ARSG: variants seen among roughly 807,000 people sequenced by gnomAD.
ARSG encodes the protein arylsulfatase G.
In ARSG, 37 loss-of-function variants were observed where a neutral mutation model predicts 50.5. The ratio of observed to expected loss-of-function variants is 0.73; its 90% confidence interval spans 0.56 to 0.96. The LOEUF (loss-of-function observed/expected upper bound fraction) is 0.96, where lower values mean the gene tolerates loss of function less well. ARSG is among the 50% of genes least tolerant of loss of function. ARSG has a pLI of 0.00. For missense variants in ARSG, 629 were observed against 675.3 expected (o/e 0.93, Z 0.76); for synonymous variants, 225 against 254.6 (o/e 0.88, Z 1.11).
chr17:68,429,936 T>G, the ARSG span: 4 of 1,605,348 alleles, frequency 2.5e-6, no homozygotes, highest in Non-Finnish European at 3.4e-6. Flanking sequence ...ATTTTTGTGC[T>G]TTGGAAAAAT....
At chr17:68,265,818 G>A (rs115820742) in intron 1 of ARSG, among the ~76,000 whole-genome samples, 4,102 of 148,958 alleles carry the variant, frequency 0.028, 178 homozygotes, top group African/African-American at 0.091. Context: ...AAAATCTTGT[G>A]AAATTCACAT....
At chr17:68,419,916 G>A (rs184803391) in intron 11 of ARSG, among the ~76,000 whole-genome samples, 3 of 152,168 alleles carry the variant, frequency 2.0e-5, no homozygotes, top group Non-Finnish European at 4.4e-5. Context: ...CTAGGATCAC[G>A]CTACTGCATT....
chr17:68,405,925 C>T lies in ARSG; in HGVS notation c.1303+4475C>T, dbSNP rs59547781. 6.6e-3 allele frequency among the ~76,000 whole-genome samples: 1,002 copies of T among 152,160 alleles called. 8 individuals are homozygous for T. Among genetic ancestry groups the T allele is most frequent in the African/African-American group, 0.022 (926 of 41,508 alleles). On this transcript the variant is annotated intron_variant, in intron 11 of 11. Coordinates refer to ENST00000621439, the MANE Select transcript of ARSG (RefSeq NM_001267727.2). ...TTTTTCCATGGGTTATTGGGATACA[C>T]GTGGTGTTTGGTTACATGAGTAAGT... is the stretch of plus-strand genomic sequence containing the variant.
intron 8 of ARSG, among the ~76,000 whole-genome samples, chr17:68,376,437 CAACT>C (rs1333200039): frequency 1.3e-5 from 2 of 151,652 alleles, no homozygotes; most frequent in Non-Finnish European, 2.9e-5. Flanking sequence ...CCACCATACC[CAACT>C]AATTTTTCTT....
intron 2 of ARSG, among the ~76,000 whole-genome samples, chr17:68,325,754 A>C (rs1264836122): frequency 3.9e-5 from 6 of 152,124 alleles, no homozygotes; most frequent in Admixed American, 3.9e-4. Flanking sequence ...GGAAGCCCTT[A>C]CCCTTCTGGG....
intron 2 of ARSG, among the ~76,000 whole-genome samples, chr17:68,316,017 G>T (rs1443681673): frequency 6.6e-6 from 1 of 152,176 alleles, no homozygotes; most frequent in Non-Finnish European, 1.5e-5. Flanking sequence ...TGTGATGGCT[G>T]CAGTTTCAGG....
At chr17:68,450,598 G>A in the ARSG span, 3 of 1,243,614 alleles carry the variant, frequency 2.4e-6, no homozygotes, top group Admixed American at 7.0e-5. Context: ...CGGGACACGG[G>A]GCCTGAGTGT....
intron 1 of ARSG, among the ~76,000 whole-genome samples, chr17:68,292,023 G>A (rs1327621648): frequency 6.6e-6 from 1 of 152,036 alleles, no homozygotes; most frequent in African/African-American, 2.4e-5. Context: ...ACTTCCCCCA[G>A]TTTCGTCAAC....
At chr17:68,320,230 C>T (rs921711889) in intron 2 of ARSG, among the ~76,000 whole-genome samples, 4 of 149,896 alleles carry the variant, frequency 2.7e-5, no homozygotes, top group Non-Finnish European at 5.9e-5. Context: ...TTGGAGGTTG[C>T]AGTGAGCCGA....
chr17:68,358,202 C>CA (rs1221692165), intron 6 of ARSG, among the ~76,000 whole-genome samples: 7 of 149,178 alleles, frequency 4.7e-5, no homozygotes, highest in African/African-American at 9.9e-5. Context: ...GACCCTGTCT[C>CA]AAAAAAAATA....
intron 6 of ARSG, among the ~76,000 whole-genome samples, chr17:68,365,482 C>A (rs555042422): frequency 6.6e-6 from 1 of 152,282 alleles, no homozygotes; most frequent in South Asian, 2.1e-4. Flanking sequence ...GGTTTGGATG[C>A]AGGATTCTCA....
rs1016594361 is a variant in ARSG at position 68,343,668 on chromosome 17, C to T, written c.283C>T (p.Arg95Trp). The T allele has an allele frequency of 1.2e-5, 20 of 1,614,092 alleles. No homozygotes were observed. Among genetic ancestry groups the T allele is most frequent in the East Asian group, 2.2e-5 (1 of 44,882 alleles). Residue 95 changes from arginine to tryptophan, a missense_variant, in exon 3 of 12, where the codon CGG becomes TGG. Coordinates refer to ENST00000621439, the MANE Select transcript of ARSG (RefSeq NM_001267727.2). ...CTCCCGGGCTTCCTTGCTCACCGGCCGGCTTGGCCTTCGCAATGGAGTCAC... is the reference window on the plus strand; with the variant it reads ...CTCCCGGGCTTCCTTGCTCACCGGCTGGCTTGGCCTTCGCAATGGAGTCAC... ...SPSRASLLTG[R>W]LGLRNGVTRN...
chr17:68,272,572 C>G (rs1368557301), intron 1 of ARSG: 6 of 1,571,484 alleles, frequency 3.8e-6, no homozygotes, highest in Middle Eastern at 1.9e-4. Context: ...CAAAAGTTAG[C>G]GTAGCAAGAA....
At chr17:68,358,327 A>G (rs1168414693) in intron 6 of ARSG, among the ~76,000 whole-genome samples, 3 of 152,130 alleles carry the variant, frequency 2.0e-5, no homozygotes, top group Admixed American at 2.0e-4. Context: ...GTAATCCTCC[A>G]GGATCGCTCG....
rs1189736737 is a variant in ARSG at position 68,343,730 on chromosome 17, G to A, written c.345G>A (p.Pro115=). 14 of 1,613,992 alleles carry A rather than the reference G, an allele frequency of 8.7e-6. No homozygotes were observed. In the East Asian group the frequency reaches 8.9e-5, roughly 10 times the overall value. Residue 115 remains proline (P), a synonymous_variant, in exon 3 of 12, where the codon CCG becomes CCA. Transcript: ENST00000621439. ...NFAVTSVGGL[P]LNETTLAEVL... Reference sequence around the variant, plus strand: ...CAGTCACTTCTGTGGGAGGCCTTCCGCTCAACGAGACCACCTTGGCAGAGG... The same window carrying A: ...CAGTCACTTCTGTGGGAGGCCTTCCACTCAACGAGACCACCTTGGCAGAGG...
At chr17:68,343,479 T>G in intron 2 of ARSG, 125 bp from the exon 3 acceptor site, 1 of 1,005,940 alleles carries the variant, frequency 9.9e-7, no homozygotes, top group South Asian at 1.7e-5. Context: ...TCCTGACTTG[T>G]TCCATGACTG....
intron 2 of ARSG, among the ~76,000 whole-genome samples, chr17:68,336,968 T>C (rs905719367): frequency 1.3e-5 from 2 of 152,190 alleles, no homozygotes; most frequent in African/African-American, 4.8e-5. Flanking sequence ...TAACCTTGAC[T>C]CTAGCTCCTA....
At chr17:68,276,359 A>G (rs2075520270) in intron 1 of ARSG, among the ~76,000 whole-genome samples, 1 of 152,236 alleles carries the variant, frequency 6.6e-6, no homozygotes. Flanking sequence ...GAAGGGCTTT[A>G]ATTTCAGCAA....
In ARSG at chr17:68,385,153, A is replaced by G; in HGVS notation, c.1072A>G (p.Thr358Ala). 5 of 1,613,416 alleles carry G rather than the reference A, an allele frequency of 3.1e-6. No individual in the cohort carries two copies. Among genetic ancestry groups the G allele is most frequent in the Non-Finnish European group, 4.2e-6 (5 of 1,179,510 alleles). Residue 358 changes from threonine (T) to alanine (A), a missense_variant, in exon 9 of 12, where the codon ACC (threonine) becomes GCC (alanine). Physicochemically the swap from Thr to Ala is moderately conservative, Grantham distance 58. Coordinates refer to ENST00000621439, the MANE Select transcript of ARSG (RefSeq NM_001267727.2). Reference sequence around the variant, plus strand: ...GCCTGGCAGAGTTCCAGTTAATGTCACCAGCACTGCCTTGTTAAGGTATGA... The same window carrying G: ...GCCTGGCAGAGTTCCAGTTAATGTCGCCAGCACTGCCTTGTTAAGGTATGA... The part of the protein sequence containing the change: ...YWPGRVPVNV[T>A]STALLSVLDI...
Sources: gnomAD v4.1 joint callset for allele counts (sites outside exome capture counted in the v4.1 genomes callset) on GRCh38, gnomAD v4.1.1 for gene constraint, MANE v1.5 for transcripts, NCBI Gene and HGNC (gene_info 2026-07-23, HGNC 2026-07-21) for gene names.